SAMD12: variants seen among roughly 807,000 people sequenced by gnomAD.
SAMD12 encodes the protein sterile alpha motif domain containing 12, also known as sterile alpha motif domain-containing protein 12.
SAMD12 carries 9 observed loss-of-function variants against 15.0 expected under a neutral mutation model. The ratio of observed to expected loss-of-function variants is 0.60; its 90% CI spans 0.36 to 1.05. The LOEUF (loss-of-function observed/expected upper bound fraction) is 1.05. SAMD12 is among the 50% of genes least tolerant of loss of function. The pLI is 0.01. For missense variants in SAMD12, 230 were observed against 234.2 expected, an observed-to-expected ratio of 0.98 and a Z score of 0.12; for synonymous variants, 86 against 90.1, an observed-to-expected ratio of 0.96 and a Z score of 0.25.
chr8:118,383,607 GAC>G (rs1466847559), intron 3 of SAMD12, among the ~76,000 whole-genome samples: 2 of 152,098 alleles, frequency 1.3e-5, no homozygotes, highest in Admixed American at 1.3e-4. Flanking sequence ...TACAGAGAAG[GAC>G]CAAGGAGTGA....
At position 118,581,355 on chromosome 8, in the gene SAMD12, T is replaced by C. The variant is rs116006860; in HGVS notation, c.14-462A>G. Among the ~76,000 whole-genome samples the C allele has an allele frequency of 5.6e-3, 860 of 152,322 alleles. 7 individuals carry two copies. The highest frequency in any genetic ancestry group is 0.019 in the African/African-American group (809 of 41,574). On this transcript the variant is annotated intron_variant, in intron 1 of 3. Coordinates refer to ENST00000314727, the MANE Select transcript of SAMD12 (RefSeq NM_207506.3). Reference sequence around the variant, plus strand: ...TCTCTTGCATTCATCTAAGCAATATTTCTTAAGCACTTACTATGTGCCATC... The same window carrying C: ...TCTCTTGCATTCATCTAAGCAATATCTCTTAAGCACTTACTATGTGCCATC...
intron 4 of SAMD12, among the ~76,000 whole-genome samples, chr8:118,366,895 A>AAAATG (rs1563800174): frequency 1.1e-5 from 1 of 93,888 alleles, no homozygotes; most frequent in Non-Finnish European, 2.3e-5. Context: ...AAAATAAAAT[A>AAAATG]AAATAAAATA....
At chr8:118,562,794 C>T (rs1375048300) in intron 2 of SAMD12, among the ~76,000 whole-genome samples, 1 of 152,108 alleles carries the variant, frequency 6.6e-6, no homozygotes, top group Non-Finnish European at 1.5e-5. Context: ...AAGGAGAAAG[C>T]AAATTTCTTT....
At chr8:118,139,832 A>AT in the SAMD12 span, among the ~76,000 whole-genome samples, 1 of 152,216 alleles carries the variant, frequency 6.6e-6, no homozygotes, top group Admixed American at 6.5e-5. Context: ...GTTGGCTCTC[A>AT]TTCAAACTCT....
chr8:118,506,967 G>A (rs543764856), intron 2 of SAMD12, among the ~76,000 whole-genome samples: 2 of 152,088 alleles, frequency 1.3e-5, no homozygotes, highest in Admixed American at 1.3e-4. Context: ...TAAATAAACA[G>A]GTTATGCACC....
chr8:118,177,236 A>G, the SAMD12 span, among the ~76,000 whole-genome samples: 1 of 128,956 alleles, frequency 7.8e-6, no homozygotes, highest in Non-Finnish European at 1.7e-5. Flanking sequence ...GAAGCCACAG[A>G]GAATTTTTTT....
At chr8:118,392,838 T>C (rs1820356869) in intron 3 of SAMD12, among the ~76,000 whole-genome samples, 1 of 145,186 alleles carries the variant, frequency 6.9e-6, no homozygotes, top group African/African-American at 2.5e-5. Context: ...ACAATAATAC[T>C]CCCTACCCCT....
chr8:118,427,044 T>C (rs1273638666), intron 3 of SAMD12, among the ~76,000 whole-genome samples: 5 of 152,196 alleles, frequency 3.3e-5, no homozygotes, highest in Non-Finnish European at 1.5e-5. Context: ...TCAGCAGTCA[T>C]CTCCTAACAA....
chr8:118,327,025 T>C (rs1312476984), intron 4 of SAMD12, among the ~76,000 whole-genome samples: 1 of 152,210 alleles, frequency 6.6e-6, no homozygotes, highest in East Asian at 1.9e-4. Context: ...GACATGCACA[T>C]GAGTGATCCC....
At chr8:118,432,349 A>G (rs1279388085) in intron 3 of SAMD12, among the ~76,000 whole-genome samples, 1 of 152,158 alleles carries the variant, frequency 6.6e-6, no homozygotes, top group Non-Finnish European at 1.5e-5. Flanking sequence ...ATTCAGTAAT[A>G]GGAACTTGGG....
chr8:118,188,104 A>T (rs1819274941), downstream of SAMD12, among the ~76,000 whole-genome samples: 1 of 151,904 alleles, frequency 6.6e-6, no homozygotes, highest in Non-Finnish European at 1.5e-5. Context: ...GGGAGGGCAA[A>T]GGAGATGAGA....
At chr8:118,363,870 T>A (rs1818628426) in intron 4 of SAMD12, among the ~76,000 whole-genome samples, 1 of 152,234 alleles carries the variant, frequency 6.6e-6, no homozygotes, top group African/African-American at 2.4e-5. Flanking sequence ...GCAAAATTAC[T>A]GTGTGAACTA....
At chr8:118,428,678 T>C (rs907145887) in intron 3 of SAMD12, among the ~76,000 whole-genome samples, 2 of 152,156 alleles carry the variant, frequency 1.3e-5, no homozygotes, top group African/African-American at 4.8e-5. Context: ...TCCAGTACCC[T>C]GTAGTGAAGA....
chr8:118,212,607 T>C (rs1469592914), intron 4 of SAMD12, among the ~76,000 whole-genome samples: 1 of 152,244 alleles, frequency 6.6e-6, no homozygotes, highest in African/African-American at 2.4e-5. Context: ...ATATATGAAG[T>C]TGTAATTATA....
chr8:118,422,205 T>G (rs565023422), intron 3 of SAMD12, among the ~76,000 whole-genome samples: 1 of 152,230 alleles, frequency 6.6e-6, no homozygotes, highest in Non-Finnish European at 1.5e-5. Context: ...GCCTACTTTA[T>G]GCCAGGCACT....
chr8:118,253,040 C>T (rs1684736511), intron 4 of SAMD12, among the ~76,000 whole-genome samples: 1 of 152,146 alleles, frequency 6.6e-6, no homozygotes, highest in African/African-American at 2.4e-5. Context: ...ACAGCATTGG[C>T]TGGGGAGACC....
At chr8:118,475,882 G>A (rs188843851) in intron 2 of SAMD12, among the ~76,000 whole-genome samples, 220 of 152,314 alleles carry the variant, frequency 1.4e-3, no homozygotes, top group Non-Finnish European at 2.7e-3. Flanking sequence ...CTGTTCCCAA[G>A]CAAGGCACTG....
chr8:118,408,992 G>A (rs758750698), intron 3 of SAMD12, among the ~76,000 whole-genome samples: 10 of 152,012 alleles, frequency 6.6e-5, no homozygotes, highest in South Asian at 6.2e-4. Context: ...TCCACCTCCC[G>A]GGTTCAAGCA....
At position 118,379,500 on chromosome 8, in the gene SAMD12, G is replaced by C. The variant is rs945334329; in HGVS notation, c.523C>G (p.Leu175Val). Reference sequence around the variant, plus strand: ...TCCCTGACTCCTGTCTGTCCTAATAGTAAGGTGGTCTTTCTTCTAATCTCC... The same window carrying C: ...TCCCTGACTCCTGTCTGTCCTAATACTAAGGTGGTCTTTCTTCTAATCTCC... ...DGEIRRKTTL[L>V]LGQTGVRENL... is the part of the protein sequence containing the mutation. The change falls in exon 4 of 4, where the codon CTA becomes GTA. Residue 175 changes from leucine to valine, a missense_variant. Physicochemically the swap from Leu to Val is conservative, Grantham distance 32 (BLOSUM62 1). Transcript: ENST00000314727. 12 of 1,613,822 alleles carry C rather than the reference G, an allele frequency of 7.4e-6. No homozygotes were observed. The highest frequency in any genetic ancestry group is 1.0e-5 in the Non-Finnish European group (12 of 1,179,838).
Sources: gnomAD v4.1 joint callset for allele counts (sites outside exome capture counted in the v4.1 genomes callset) on GRCh38, gnomAD v4.1.1 for gene constraint, MANE v1.5 for transcripts, NCBI Gene and HGNC (gene_info 2026-07-23, HGNC 2026-07-21) for gene names.